Variants in ATP8B4 observed in about 807,000 individuals in gnomAD.
ATP8B4 encodes the protein ATPase phospholipid transporting 8B4 (putative).
ATP8B4 carries 133 observed loss-of-function variants against 145.6 expected under a neutral mutation model. The ratio of observed to expected loss-of-function variants is 0.91; its 90% CI spans 0.79 to 1.05. The LOEUF (loss-of-function observed/expected upper bound fraction) is 1.05, where lower values mean the gene tolerates loss of function less well. Among genes scored for constraint, ATP8B4 ranks in the 50% least tolerant of loss-of-function variants. ATP8B4 has a pLI of 0.00. For synonymous variants in ATP8B4, 507 were observed against 492.9 expected (o/e 1.03, Z -0.38); for missense variants, 1,458 against 1,425.2 (o/e 1.02, Z -0.37).
chr15:50,081,404 T>TA (rs1281830630), intron 2 of ATP8B4, among the ~76,000 whole-genome samples: 3 of 152,206 alleles, frequency 2.0e-5, no homozygotes, highest in African/African-American at 7.2e-5. Context: ...TAGTCAGTCT[T>TA]AAAGTTGCTA....
At chr15:49,954,868 C>T (rs570277278) in intron 14 of ATP8B4, among the ~76,000 whole-genome samples, 29 of 152,300 alleles carry the variant, frequency 1.9e-4, no homozygotes, top group African/African-American at 6.3e-4. Context: ...AGGACACCTA[C>T]ACCCATATGC....
intron 3 of ATP8B4, 100 bp downstream of exon 3, chr15:50,074,026 GA>G: frequency 1.0e-6 from 1 of 978,288 alleles, no homozygotes; most frequent in Non-Finnish European, 1.5e-6. Context: ...GGCCAATGAA[GA>G]AAGTTTTTGG....
intron 20 of ATP8B4, among the ~76,000 whole-genome samples, chr15:49,913,043 A>T (rs961683335): frequency 9.9e-5 from 15 of 151,892 alleles, no homozygotes; most frequent in African/African-American, 3.4e-4. Flanking sequence ...AAGTGGGAGG[A>T]TCACTTGAGC....
At chr15:50,037,653 A>G (rs1377490629) in intron 6 of ATP8B4, among the ~76,000 whole-genome samples, 4 of 152,226 alleles carry the variant, frequency 2.6e-5, no homozygotes, top group Non-Finnish European at 4.4e-5. Context: ...TGTGGCGGCA[A>G]TGATTCAAAA....
chr15:49,916,856 C>T, intron 20 of ATP8B4, 78 bp downstream of exon 20: 1 of 1,350,414 alleles, frequency 7.4e-7, no homozygotes, highest in Middle Eastern at 1.8e-4. Flanking sequence ...CATAGCTTTT[C>T]ACTTTCTCAA....
intron 14 of ATP8B4, among the ~76,000 whole-genome samples, chr15:49,935,335 G>C (rs994526568): frequency 6.6e-6 from 1 of 152,018 alleles, no homozygotes; most frequent in African/African-American, 2.4e-5. Flanking sequence ...GAGAACCTGA[G>C]CATTGCCAAG....
intron 5 of ATP8B4, among the ~76,000 whole-genome samples, 167 bp downstream of exon 5, chr15:50,044,427 C>G (rs546620622): frequency 5.3e-5 from 8 of 152,212 alleles, no homozygotes; most frequent in Non-Finnish European, 8.8e-5. Flanking sequence ...TAAACAGGCT[C>G]TGGTTTTACA....
At position 49,916,960 on chromosome 15, in the gene ATP8B4, A is replaced by G. The variant is rs2039801802; in HGVS notation, c.2115T>C (p.Asn705=). ...TGAGTTCTTCTCTCACTTCCACAGC[A>G]TTATTCCCTGCTATCACAAACACAT... ...MNDVFVIAGN[N]AVEVREELRK... The change falls in exon 20 of 28, where the codon AAT becomes AAC. Residue 705 remains asparagine (N), a synonymous_variant. Coordinates refer to ENST00000284509, the MANE Select transcript of ATP8B4 (RefSeq NM_024837.4). 5.6e-6 allele frequency: 9 copies of G among 1,613,616 alleles called. No homozygotes were observed. In the East Asian group the frequency reaches 1.3e-4, roughly 24 times the overall value.
At chr15:50,117,861 G>T (rs1187536431) in intron 1 of ATP8B4, among the ~76,000 whole-genome samples, 1 of 152,162 alleles carries the variant, frequency 6.6e-6, no homozygotes, top group Non-Finnish European at 1.5e-5. Flanking sequence ...AACATGGATG[G>T]AACTGGAGGA....
chr15:49,982,587 CACAT>C (rs1403851273), intron 10 of ATP8B4: 2 of 152,194 alleles, frequency 1.3e-5, no homozygotes, highest in East Asian at 3.9e-4. Flanking sequence ...CACACATACA[CACAT>C]AAAGTTTGTG....
chr15:49,951,706 T>C (rs963518760), intron 14 of ATP8B4, among the ~76,000 whole-genome samples: 1 of 152,170 alleles, frequency 6.6e-6, no homozygotes, highest in Non-Finnish European at 1.5e-5. Context: ...AAGGTTAGTA[T>C]TGTTATATGT....
intron 9 of ATP8B4, among the ~76,000 whole-genome samples, chr15:49,993,448 A>C (rs2047189829): frequency 6.6e-6 from 1 of 152,068 alleles, no homozygotes. Context: ...TGATGGAGAA[A>C]ACAATCGAAG....
chr15:49,987,192 A>C (rs2046683337), intron 10 of ATP8B4, among the ~76,000 whole-genome samples, 199 bp downstream of exon 10: 1 of 152,200 alleles, frequency 6.6e-6, no homozygotes, highest in Non-Finnish European at 1.5e-5. Flanking sequence ...GTAGTTCCTC[A>C]TACAGCAGGG....
At chr15:50,093,461 A>G (rs927750436) in intron 2 of ATP8B4, among the ~76,000 whole-genome samples, 1 of 152,120 alleles carries the variant, frequency 6.6e-6, no homozygotes, top group Non-Finnish European at 1.5e-5. Flanking sequence ...TACTCATTCA[A>G]CTATACAGAA....
chr15:50,011,325 C>G (rs2048708072), intron 6 of ATP8B4, among the ~76,000 whole-genome samples: 1 of 152,226 alleles, frequency 6.6e-6, no homozygotes, highest in African/African-American at 2.4e-5. Context: ...GCAAAGGAGA[C>G]AGTGGCAAGG....
At chr15:50,059,286 A>G (rs992130095) in intron 3 of ATP8B4, among the ~76,000 whole-genome samples, 1 of 152,138 alleles carries the variant, frequency 6.6e-6, no homozygotes, top group African/African-American at 2.4e-5. Context: ...ATGCACAGCG[A>G]GTCTCCAATC....
intron 23 of ATP8B4, among the ~76,000 whole-genome samples, chr15:49,892,287 G>A (rs1598953548): frequency 6.6e-6 from 1 of 152,030 alleles, no homozygotes; most frequent in African/African-American, 2.4e-5. Context: ...AAAAGAATAC[G>A]ATTGTAGTAG....
intron 20 of ATP8B4, among the ~76,000 whole-genome samples, chr15:49,913,025 G>A (rs558138243): frequency 6.6e-6 from 1 of 152,072 alleles, no homozygotes; most frequent in African/African-American, 2.4e-5. Context: ...CCACTACTCA[G>A]GACGCTGAAG....
chr15:49,881,206 A>G (rs2035359210), intron 23 of ATP8B4, among the ~76,000 whole-genome samples: 1 of 152,202 alleles, frequency 6.6e-6, no homozygotes, highest in African/African-American at 2.4e-5. Context: ...ATTTCAAGCA[A>G]TGATGCCACT....
Sources: gnomAD v4.1 joint callset for allele counts (sites outside exome capture counted in the v4.1 genomes callset) on GRCh38, gnomAD v4.1.1 for gene constraint, MANE v1.5 for transcripts, NCBI Gene and HGNC (gene_info 2026-07-23, HGNC 2026-07-21) for gene names.